Variants in EXOC4 observed in about 807,000 individuals in gnomAD.
EXOC4 encodes exocyst complex component 4.
A neutral mutation model predicts 107.2 loss-of-function variants in EXOC4; 71 were observed. The ratio of observed to expected loss-of-function variants is 0.66; its 90% confidence interval spans 0.55 to 0.81. The LOEUF is 0.81. EXOC4 is among the 30% of genes least tolerant of loss of function. The pLI is 0.00. For synonymous variants in EXOC4, 456 were observed against 441.2 expected (o/e 1.03, Z -0.42); for missense variants, 1,108 against 1,189.6 (o/e 0.93, Z 1.01).
intron 1 of EXOC4, chr7:133,253,877 CTTT>C (rs1794951533): frequency 1.3e-5 from 2 of 152,124 alleles, no homozygotes; most frequent in Admixed American, 1.3e-4. Context: ...AGCGGTGGAT[CTTT>C]TAGGAGCTTT....
intron 9 of EXOC4, chr7:133,576,812 T>C: frequency 7.8e-7 from 1 of 1,289,636 alleles, no homozygotes; most frequent in Non-Finnish European, 1.0e-6. Flanking sequence ...ATGGCAAGTT[T>C]TACTGAACTC....
chr7:133,823,997 G>T (rs1797638558), intron 11 of EXOC4, among the ~76,000 whole-genome samples: 1 of 139,324 alleles, frequency 7.2e-6, no homozygotes. Flanking sequence ...TGCTGTGTTG[G>T]ATACTTTGAA....
chr7:133,737,516 T>A (rs1795469032), intron 10 of EXOC4, among the ~76,000 whole-genome samples: 1 of 152,092 alleles, frequency 6.6e-6, no homozygotes, highest in Non-Finnish European at 1.5e-5. Context: ...GCTATATAGA[T>A]CTACCTCATG....
chr7:133,376,398 G>A (rs1045275957), intron 7 of EXOC4, among the ~76,000 whole-genome samples: 1 of 152,142 alleles, frequency 6.6e-6, no homozygotes, highest in African/African-American at 2.4e-5. Flanking sequence ...TCGTATCCAT[G>A]TTTAAGTATG....
chr7:133,499,922 C>T (rs1049913323), intron 9 of EXOC4, among the ~76,000 whole-genome samples: 1 of 152,014 alleles, frequency 6.6e-6, no homozygotes, highest in African/African-American at 2.4e-5. Flanking sequence ...TGTAAATTAC[C>T]CAGTCTCGGG....
chr7:133,327,906 A>G (rs941538664), intron 5 of EXOC4, among the ~76,000 whole-genome samples: 2 of 152,142 alleles, frequency 1.3e-5, no homozygotes, highest in Admixed American at 6.5e-5. Context: ...AGAAGAATGT[A>G]TATTCTGTTG....
At chr7:134,047,526 G>C (rs1210536362) in intron 17 of EXOC4, among the ~76,000 whole-genome samples, 2 of 152,014 alleles carry the variant, frequency 1.3e-5, no homozygotes, top group African/African-American at 4.8e-5. Context: ...CCCCCCAAAG[G>C]CACAAATCCC....
chr7:133,341,245 A>T (rs1160586879), intron 5 of EXOC4, among the ~76,000 whole-genome samples: 1 of 152,202 alleles, frequency 6.6e-6, no homozygotes, highest in Non-Finnish European at 1.5e-5. Flanking sequence ...GTCACTGTTC[A>T]GTTCAAAGAA....
chr7:133,287,961 T>C (rs1394579345), intron 2 of EXOC4, among the ~76,000 whole-genome samples: 1 of 152,182 alleles, frequency 6.6e-6, no homozygotes, highest in Non-Finnish European at 1.5e-5. Flanking sequence ...GTTTGGATTA[T>C]ACAGGTGGGC....
chr7:133,983,181 T>C (rs1794035517), intron 14 of EXOC4, among the ~76,000 whole-genome samples: 1 of 152,096 alleles, frequency 6.6e-6, no homozygotes, highest in South Asian at 2.1e-4. Flanking sequence ...TTGCAAGAAC[T>C]CACTCACTAT....
chr7:133,844,294 A>AAATCCAAT (rs1798078674), intron 11 of EXOC4, among the ~76,000 whole-genome samples: 1 of 151,506 alleles, frequency 6.6e-6, no homozygotes, highest in Non-Finnish European at 1.5e-5. Flanking sequence ...GCCTGTGTTG[A>AAATCCAAT]AATCCAATGA....
rs917324520 is a variant in EXOC4 at position 133,538,242 on chromosome 7, T to C, written c.1417+58104T>C. Among the ~76,000 whole-genome samples the C allele has an allele frequency of 2.6e-5, 4 of 152,328 alleles. No homozygotes were observed. The East Asian group carries it at 7.7e-4, about 29-fold the overall frequency. ...TTAGAGACTGAATTATCAAAATTCTTTATTGCTGTTCTTTCATTATCGGTC... is the reference window on the plus strand; with the variant it reads ...TTAGAGACTGAATTATCAAAATTCTCTATTGCTGTTCTTTCATTATCGGTC... On this transcript the variant is annotated intron_variant, in intron 9 of 17. Transcript: ENST00000253861.
At chr7:133,487,319 A>T (rs1473372277) in intron 9 of EXOC4, among the ~76,000 whole-genome samples, 1 of 152,264 alleles carries the variant, frequency 6.6e-6, no homozygotes, top group Non-Finnish European at 1.5e-5. Flanking sequence ...GATGTGAGAA[A>T]AGAAGGAATG....
rs1554401092 is a variant in EXOC4 at position 133,785,676 on chromosome 7, G to GT, written c.1515-31644dup. ...AGAAATGGGCACATGTTTTGTTTTT[G>GT]TTTTTGTTTTTTTTGAGACGGAGTC... On this transcript the variant is annotated intron_variant, in intron 10 of 17. Coordinates refer to ENST00000253861, the MANE Select transcript of EXOC4 (RefSeq NM_021807.4). Among the ~76,000 whole-genome samples, 106 of 37,142 alleles carry GT rather than the reference G, an allele frequency of 2.9e-3. No individual in the cohort carries two copies. In the East Asian group the frequency reaches 0.031, roughly 11 times the overall value. The allele number at this position is 37,142 out of a possible 152,430, so 24.4% of individuals were successfully genotyped here.
intron 7 of EXOC4, among the ~76,000 whole-genome samples, chr7:133,406,415 CTT>C (rs1184559489): frequency 6.6e-6 from 1 of 152,164 alleles, no homozygotes; most frequent in East Asian, 1.9e-4. Context: ...CACAACCTAA[CTT>C]ATATCCATTA....
chr7:133,898,918 CAGTG>C (rs1196751925), intron 12 of EXOC4, among the ~76,000 whole-genome samples: 1 of 150,858 alleles, frequency 6.6e-6, no homozygotes, highest in Non-Finnish European at 1.5e-5. Context: ...GTGGAGGTTG[CAGTG>C]AGTTGAGATT....
At position 133,410,355 on chromosome 7, in the gene EXOC4, C is replaced by T. The variant is rs557918496; in HGVS notation, c.1182+35353C>T. Among the ~76,000 whole-genome samples the T allele has an allele frequency of 1.4e-4, 21 of 152,230 alleles. No individual in the cohort carries two copies. In the East Asian group the frequency reaches 1.9e-3, roughly 14 times the overall value. Reference sequence around the variant, plus strand: ...GTTTTGTGCAGGGTTATCAAATGAACGTTAATATTGAGGAATGTATATCTG... The same window carrying T: ...GTTTTGTGCAGGGTTATCAAATGAATGTTAATATTGAGGAATGTATATCTG... On this transcript the variant is annotated intron_variant, in intron 7 of 17. Coordinates refer to ENST00000253861, the MANE Select transcript of EXOC4 (RefSeq NM_021807.4).
intron 10 of EXOC4, among the ~76,000 whole-genome samples, chr7:133,746,539 T>A (rs1169781227): frequency 2.0e-5 from 3 of 152,152 alleles, no homozygotes; most frequent in African/African-American, 7.2e-5. Flanking sequence ...TACATGTAAC[T>A]TACCTGCAGA....
chr7:133,819,504 C>CATGGATGG (rs59990439), intron 11 of EXOC4, among the ~76,000 whole-genome samples: 4,391 of 151,598 alleles, frequency 0.029, 84 homozygotes, highest in Non-Finnish European at 0.044. Context: ...ATGCATGTTG[C>CATGGATGG]ATGGATGGAT....
Sources: gnomAD v4.1 joint callset for allele counts (sites outside exome capture counted in the v4.1 genomes callset) on GRCh38, gnomAD v4.1.1 for gene constraint, MANE v1.5 for transcripts, NCBI Gene and HGNC (gene_info 2026-07-23, HGNC 2026-07-21) for gene names.